Variants in ART3 observed in about 807,000 individuals in gnomAD.
ART3 encodes ADP-ribosyltransferase 3 (inactive), also known as ecto-ADP-ribosyltransferase 3.
In ART3, 49 loss-of-function variants were observed where a neutral mutation model predicts 48.5. That is an observed-to-expected ratio of 1.01 (90% confidence interval 0.80 to 1.28). ART3 has a LOEUF of 1.28. Ranked by LOEUF, ART3 falls within the 50% of genes most tolerant of loss-of-function variation. The pLI is 0.00. For missense variants in ART3, 438 were observed against 454.3 expected (o/e 0.96, Z 0.33); for synonymous variants, 145 against 157.2 (o/e 0.92, Z 0.58).
intron 11 of ART3, among the ~76,000 whole-genome samples, chr4:76,108,597 G>A (rs879087062): frequency 6.7e-6 from 1 of 149,226 alleles, no homozygotes; most frequent in Admixed American, 6.6e-5. Flanking sequence ...CGTCCAAACT[G>A]CCTCTTGGGG....
intron 1 of ART3, chr4:76,057,904 C>T (rs1042276742): frequency 3.3e-5 from 5 of 152,200 alleles, no homozygotes; most frequent in Admixed American, 1.3e-4. Context: ...AATTTACTTT[C>T]GAACATTGAT....
intron 3 of ART3, among the ~76,000 whole-genome samples, chr4:76,088,328 G>A (rs1724067148): frequency 6.6e-6 from 1 of 151,676 alleles, no homozygotes; most frequent in South Asian, 2.1e-4. Flanking sequence ...AGGCGTGCCT[G>A]TATAATGCTC....
At chr4:76,022,431 C>G in intron 1 of ART3, 5 of 1,613,344 alleles carry the variant, frequency 3.1e-6, no homozygotes, top group Non-Finnish European at 3.4e-6. Context: ...GACATCTCTT[C>G]TCACCCTTCT....
rs767281697 is a variant in ART3, at chr4:76,016,515, G to A, written c.-10+5195G>A. On this transcript the variant is annotated intron_variant, in intron 1 of 9. Transcript: ENST00000341029. ...CCACCACTGACGTTGTGCTGAGTCA[G>A]ACCTGAAGCCAGCACAGCACTGGGT... 4.7e-4 allele frequency among the ~76,000 whole-genome samples: 71 copies of A among 152,276 alleles called. 1 individual carries two copies. The highest frequency in any genetic ancestry group is 3.4e-3 in the Middle Eastern group (1 of 294).
At chr4:76,053,648 A>C (rs963401205) in intron 1 of ART3, among the ~76,000 whole-genome samples, 1 of 152,256 alleles carries the variant, frequency 6.6e-6, no homozygotes, top group African/African-American at 2.4e-5. Context: ...AAAACCAATT[A>C]CTTTCCTTTA....
chr4:76,054,220 C>T (rs950797719), intron 1 of ART3, among the ~76,000 whole-genome samples: 12 of 152,138 alleles, frequency 7.9e-5, no homozygotes, highest in Non-Finnish European at 5.9e-5. Context: ...CACAAAGGAG[C>T]TTGCTTGGAG....
intron 11 of ART3, among the ~76,000 whole-genome samples, chr4:76,112,159 GGTT>G (rs1216800026): frequency 1.6e-4 from 24 of 152,126 alleles, no homozygotes; most frequent in Admixed American, 1.3e-3. Flanking sequence ...ATTGTGTGGG[GGTT>G]GGCACCCCAA....
intron 11 of ART3, among the ~76,000 whole-genome samples, chr4:76,108,235 C>T (rs751218836): frequency 2.0e-5 from 3 of 151,670 alleles, no homozygotes; most frequent in South Asian, 2.1e-4. Context: ...TAAAGTAGAC[C>T]GATGTTTACA....
intron 10 of ART3, chr4:76,106,110 T>C (rs1282041409): frequency 7.1e-6 from 7 of 985,166 alleles, no homozygotes; most frequent in Non-Finnish European, 8.4e-6. Context: ...ACTTCAGAGA[T>C]GAGAACATGG....
chr4:76,040,623 AAGACTACTGC>A (rs2149424452), intron 1 of ART3, among the ~76,000 whole-genome samples: 1 of 147,570 alleles, frequency 6.8e-6, no homozygotes, highest in African/African-American at 2.5e-5. Context: ...CTCTGTGAGG[AAGACTACTGC>A]ATAATCTTCC....
At chr4:76,036,299 C>T in intron 1 of ART3, 1 of 342,384 alleles carries the variant, frequency 2.9e-6, no homozygotes, top group Non-Finnish European at 5.2e-6. Flanking sequence ...CTTAAGGTAG[C>T]TTTTCCTAGA....
At chr4:76,103,901 T>C in intron 8 of ART3, 36 bp from the exon 9 acceptor site, 2 of 1,579,388 alleles carry the variant, frequency 1.3e-6, no homozygotes, top group South Asian at 1.1e-5. Context: ...ATAAGATAAC[T>C]GATTAATACA....
Position 76,079,194 on chromosome 4 carries a change from A to AAG in ART3, c.70-2630_70-2629insAG, listed in dbSNP as rs1315176340. Among the ~76,000 whole-genome samples, 34 of 149,682 alleles carry AAG rather than the reference A, an allele frequency of 2.3e-4. 1 individual carries two copies. Among genetic ancestry groups the AAG allele is most frequent in the Admixed American group, 2.1e-3 (31 of 15,046 alleles). ...TCTTTGTTAAAAAAAAAAAAAAAAA[A>AAG]GGCGGGGGGCTAATAATAGTACCTA... is the stretch of plus-strand genomic sequence containing the variant. On this transcript the variant is annotated intron_variant, in intron 2 of 11. Transcript: ENST00000355810.
rs150636795 is a variant in ART3 at position 76,083,009 on chromosome 4, G to A, written c.781+474G>A. On this transcript the variant is annotated intron_variant, in intron 3 of 11. Transcript: ENST00000355810. ...AAATAGTGCAGCCTGGGAAACATAG[G>A]GAGACCACCATTTCTGCTAAAATAA... is the stretch of plus-strand genomic sequence containing the variant. Among the ~76,000 whole-genome samples, 332 of 152,154 alleles carry A rather than the reference G, an allele frequency of 2.2e-3. 1 individual carries two copies. Among genetic ancestry groups the A allele is most frequent in the African/African-American group, 7.6e-3 (317 of 41,524 alleles).
At chr4:76,095,052 T>C (rs1301180486) in intron 3 of ART3, among the ~76,000 whole-genome samples, 1 of 152,240 alleles carries the variant, frequency 6.6e-6, no homozygotes, top group East Asian at 1.9e-4. Context: ...TTTATGCCTC[T>C]TCTTTTATTT....
intron 1 of ART3, among the ~76,000 whole-genome samples, chr4:76,029,036 A>G (rs751300071): frequency 3.9e-5 from 6 of 152,244 alleles, no homozygotes; most frequent in Non-Finnish European, 5.9e-5. Flanking sequence ...TCCTTCCCAT[A>G]AATAAGATAT....
At chr4:76,100,905 C>A (rs1475566081) in intron 7 of ART3, 81 bp downstream of exon 7, 1 of 1,590,086 alleles carries the variant, frequency 6.3e-7, no homozygotes, top group Non-Finnish European at 8.6e-7. Flanking sequence ...TTCATATTTA[C>A]TGAAAATAAT....
At chr4:76,048,943 AG>A (rs1205152752) in intron 1 of ART3, among the ~76,000 whole-genome samples, 2 of 151,952 alleles carry the variant, frequency 1.3e-5, no homozygotes, top group African/African-American at 4.8e-5. Context: ...CCATACCCTG[AG>A]GGAGGGAAGG....
At chr4:76,097,806 G>GC in intron 4 of ART3, 130 bp downstream of exon 4, 2 of 735,046 alleles carry the variant, frequency 2.7e-6, no homozygotes, top group South Asian at 3.8e-5. Flanking sequence ...GCTAAATTGT[G>GC]CTACTACTGC....
Sources: allele counts gnomAD v4.1 joint callset (sites outside exome capture counted in the v4.1 genomes callset), GRCh38; gene constraint gnomAD v4.1.1; transcripts MANE v1.5; gene names NCBI Gene and HGNC (gene_info 2026-07-23, HGNC 2026-07-21).